Variants in ATP2B4 observed in about 807,000 individuals in gnomAD.
The protein encoded by ATP2B4 is ATPase plasma membrane Ca2+ transporting 4.
In ATP2B4, 39 loss-of-function variants were observed where a neutral mutation model predicts 110.3. The ratio of observed to expected loss-of-function variants is 0.35; its 90% CI spans 0.27 to 0.46. ATP2B4 has a LOEUF of 0.46. ATP2B4 is among the 20% of genes least tolerant of loss of function. ATP2B4 has a pLI of 1.00. For synonymous variants in ATP2B4, 538 were observed against 571.7 expected, an observed-to-expected ratio of 0.94 and a Z score of 0.84; for missense variants, 1,135 against 1,530.9, an observed-to-expected ratio of 0.74 and a Z score of 4.32.
intron 1 of ATP2B4, among the ~76,000 whole-genome samples, chr1:203,649,760 C>A (rs1484712118): frequency 6.6e-6 from 1 of 152,172 alleles, no homozygotes; most frequent in Non-Finnish European, 1.5e-5. Flanking sequence ...TGCCACTGTA[C>A]TCCAGCCTGG....
intron 1 of ATP2B4, among the ~76,000 whole-genome samples, chr1:203,640,568 G>T (rs551342287): frequency 1.7e-4 from 26 of 152,096 alleles, no homozygotes; most frequent in African/African-American, 5.5e-4. Context: ...CAAGCAATCT[G>T]CCCACCTTGG....
chr1:203,665,139 T>G (rs185433205), intron 1 of ATP2B4, among the ~76,000 whole-genome samples: 6 of 152,182 alleles, frequency 3.9e-5, no homozygotes, highest in African/African-American at 9.6e-5. Context: ...TTTTAAAGAT[T>G]TTAGAAAGGT....
chr1:203,688,027 T>C (rs1216502381), intron 2 of ATP2B4, among the ~76,000 whole-genome samples: 1 of 147,272 alleles, frequency 6.8e-6, no homozygotes, highest in African/African-American at 2.5e-5. Context: ...TTATTATTAT[T>C]ATTATTATTA....
intron 1 of ATP2B4, among the ~76,000 whole-genome samples, chr1:203,639,214 G>C (rs1295774444): frequency 6.6e-6 from 1 of 152,206 alleles, no homozygotes; most frequent in African/African-American, 2.4e-5. Flanking sequence ...AGAGTCAAGA[G>C]GGCGGGGCCA....
At chr1:203,689,978 T>A (rs1665315544) in intron 2 of ATP2B4, among the ~76,000 whole-genome samples, 2 of 152,218 alleles carry the variant, frequency 1.3e-5, no homozygotes. Flanking sequence ...CTGCTGAATA[T>A]TCCTGGCATA....
At chr1:203,700,023 C>A (rs991716261) in intron 4 of ATP2B4, among the ~76,000 whole-genome samples, 183 bp from the exon 5 acceptor site, 7 of 152,112 alleles carry the variant, frequency 4.6e-5, no homozygotes, top group African/African-American at 1.2e-4. Context: ...TGGAAAGCAA[C>A]CTTCTCCCAG....
At chr1:203,733,511 AT>A in intron 20 of ATP2B4, 1 of 1,174,140 alleles carries the variant, frequency 8.5e-7, no homozygotes. Flanking sequence ...TTTCCCTTTG[AT>A]ATTTTGACTT....
intron 1 of ATP2B4, among the ~76,000 whole-genome samples, chr1:203,680,349 G>T (rs953044464): frequency 1.8e-4 from 28 of 152,046 alleles, no homozygotes; most frequent in Non-Finnish European, 7.4e-5. Context: ...GGTGGCTCAT[G>T]CCTGAATCCC....
chr1:203,673,866 G>T (rs965406834), intron 1 of ATP2B4, among the ~76,000 whole-genome samples: 60 of 152,274 alleles, frequency 3.9e-4, no homozygotes, highest in African/African-American at 1.4e-3. Context: ...GGAACAACCA[G>T]GTCCCGACCC....
chr1:203,742,184 C>T lies in ATP2B4; in HGVS notation c.*2330C>T, dbSNP rs1009050157. The T allele has an allele frequency of 3.3e-5, 5 of 152,568 alleles. No homozygotes were observed. The highest frequency in any genetic ancestry group is 3.3e-4 in the Admixed American group (5 of 15,266). 9.5% of individuals were successfully genotyped at this position (152,568 alleles called of 1,614,324 possible). ...TAAAGGATTTAAAATAAAGTGCCGT[C>T]ATGTAGCCCTGTGGAAGGGAGCACA... On this transcript the variant is annotated 3_prime_UTR_variant, in exon 21 of 21. Coordinates refer to ENST00000357681, the MANE Select transcript of ATP2B4 (RefSeq NM_001684.5).
chr1:203,700,369 C>A, intron 5 of ATP2B4, 38 bp downstream of exon 5: 1 of 1,591,030 alleles, frequency 6.3e-7, no homozygotes. Flanking sequence ...ATTTACCTCC[C>A]TGCAAACACC....
chr1:203,711,420 TTTTTG>T (rs1666006318), intron 12 of ATP2B4, among the ~76,000 whole-genome samples: 1 of 152,174 alleles, frequency 6.6e-6, no homozygotes, highest in African/African-American at 2.4e-5. Context: ...CAACACATTC[TTTTTG>T]AGTACCTGCT....
At chr1:203,652,194 G>A (rs1664018900) in intron 1 of ATP2B4, among the ~76,000 whole-genome samples, 1 of 145,850 alleles carries the variant, frequency 6.9e-6, no homozygotes, top group African/African-American at 2.5e-5. Flanking sequence ...CCCTAAGCTG[G>A]AGTGCAGTGG....
rs7536023 is a variant in ATP2B4 at position 203,723,457 on chromosome 1, T to C, written c.3025-424T>C. ...CTCTCTCTCTCTCTCTCTCTCTCTC[T>C]CTCCCTCTGCCTCTCTCTCTCTCTC... On this transcript the variant is annotated intron_variant, in intron 18 of 20. Coordinates refer to ENST00000357681, the MANE Select transcript of ATP2B4 (RefSeq NM_001684.5). Among the ~76,000 whole-genome samples, 325 of 113,548 alleles carry C rather than the reference T, an allele frequency of 2.9e-3. 1 individual carries two copies. The highest frequency in any genetic ancestry group is 5.1e-3 in the Middle Eastern group (1 of 198). The allele number at this position is 113,548 out of a possible 152,430, so 74.5% of individuals were successfully genotyped here.
intron 1 of ATP2B4, among the ~76,000 whole-genome samples, chr1:203,679,286 C>T (rs1664924614): frequency 6.6e-6 from 1 of 152,134 alleles, no homozygotes; most frequent in South Asian, 2.1e-4. Flanking sequence ...AGAACTCATA[C>T]TCCGGAGAGT....
At chr1:203,714,724 G>C (rs1188217551) in intron 15 of ATP2B4, among the ~76,000 whole-genome samples, 2 of 148,194 alleles carry the variant, frequency 1.3e-5, no homozygotes, top group African/African-American at 5.2e-5. Flanking sequence ...AATTCAGTAG[G>C]TCTGGGATGA....
rs375726170 is a variant in ATP2B4 at position 203,709,037 on chromosome 1, G to A, written c.1558-264G>A. Among the ~76,000 whole-genome samples the A allele has an allele frequency of 5.9e-5, 9 of 152,226 alleles. No homozygotes were observed. In the East Asian group the frequency reaches 1.4e-3, roughly 23 times the overall value. ...CTAGGCATGGTGGCAGGTACCTGTA[G>A]TCCCTGCTACTCAGGAGGCTGAGGC... is the stretch of plus-strand genomic sequence containing the variant. On this transcript the variant is annotated intron_variant, in intron 10 of 20. Coordinates refer to ENST00000357681, the MANE Select transcript of ATP2B4 (RefSeq NM_001684.5).
At chr1:203,693,229 C>T (rs1011955986) in intron 2 of ATP2B4, among the ~76,000 whole-genome samples, 14 of 152,274 alleles carry the variant, frequency 9.2e-5, no homozygotes. Context: ...GCCTGAAAGA[C>T]TCTCTAGGGC....
chr1:203,716,201 T>C (rs1666154330), intron 15 of ATP2B4, among the ~76,000 whole-genome samples: 1 of 144,940 alleles, frequency 6.9e-6, no homozygotes, highest in Non-Finnish European at 1.5e-5. Context: ...AGTGATGTAG[T>C]AAGAATACAG....
Sources: gnomAD v4.1 joint callset for allele counts (sites outside exome capture counted in the v4.1 genomes callset) on GRCh38, gnomAD v4.1.1 for gene constraint, MANE v1.5 for transcripts, NCBI Gene and HGNC (gene_info 2026-07-23, HGNC 2026-07-21) for gene names.